CSNK1G1: variants seen among roughly 807,000 people sequenced by gnomAD.
CSNK1G1 encodes casein kinase 1 gamma 1.
A neutral mutation model predicts 59.6 loss-of-function variants in CSNK1G1; 22 were observed. The observed-to-expected ratio is 0.37, with a 90% confidence interval of 0.26 to 0.53. CSNK1G1 has a LOEUF of 0.53. Among genes scored for constraint, CSNK1G1 ranks in the 20% least tolerant of loss-of-function variants. The pLI is 0.89. For missense variants in CSNK1G1, 384 were observed against 519.5 expected (o/e 0.74, Z 2.54); for synonymous variants, 179 against 177.1 (o/e 1.01, Z -0.08).
chr15:64,181,490 A>G (rs1207898090), intron 10 of CSNK1G1: 8 of 1,404,176 alleles, frequency 5.7e-6, no homozygotes. Flanking sequence ...ATGCCCTTGG[A>G]TAAGTACTTC....
At chr15:64,206,825 A>G (rs76856325) in intron 7 of CSNK1G1, among the ~76,000 whole-genome samples, 6,915 of 152,274 alleles carry the variant, frequency 0.045, 267 homozygotes, top group Admixed American at 0.13. Flanking sequence ...CATTTATTCA[A>G]TAATACACTT....
At chr15:64,273,359 AAAG>A (rs1373171260) in intron 2 of CSNK1G1, among the ~76,000 whole-genome samples, 4 of 152,210 alleles carry the variant, frequency 2.6e-5, no homozygotes, top group Admixed American at 2.6e-4. Flanking sequence ...AGGTAATTAG[AAAG>A]AAGATGAATA....
At chr15:64,337,232 A>C (rs534218029) in intron 1 of CSNK1G1, among the ~76,000 whole-genome samples, 2 of 152,218 alleles carry the variant, frequency 1.3e-5, no homozygotes, top group Non-Finnish European at 2.9e-5. Flanking sequence ...CGTCTCAAAC[A>C]AAACAAAACA....
At chr15:64,249,887 A>C (rs1891978989) in intron 4 of CSNK1G1, among the ~76,000 whole-genome samples, 1 of 152,134 alleles carries the variant, frequency 6.6e-6, no homozygotes, top group South Asian at 2.1e-4. Context: ...GATTGGTCTG[A>C]TTTGGTGGAT....
chr15:64,338,382 T>C (rs1205590500), intron 1 of CSNK1G1, among the ~76,000 whole-genome samples: 1 of 152,100 alleles, frequency 6.6e-6, no homozygotes, highest in Admixed American at 6.6e-5. Context: ...AGCATAGGCA[T>C]GGGACATCTA....
In CSNK1G1 at chr15:64,356,137, G is replaced by C. The variant is rs1356292557; in HGVS notation, c.-374C>G. On this transcript the variant is annotated 5_prime_UTR_variant, in exon 1 of 12. Coordinates refer to ENST00000303052, the MANE Select transcript of CSNK1G1 (RefSeq NM_022048.5). ...AAGGCGGACGGGAGGGGGAAGGCGA[G>C]GAGCCGAGGGGCGGCTGGAGCCGAA... is the stretch of plus-strand genomic sequence containing the variant. The C allele has an allele frequency of 6.6e-6, 1 of 152,264 alleles. No individual in the cohort carries two copies. The highest frequency in any genetic ancestry group is 1.5e-5 in the Non-Finnish European group (1 of 68,100). 9.4% of individuals were successfully genotyped at this position (152,264 alleles called of 1,614,324 possible). A position where few individuals can be genotyped will look rare whatever the true frequency, so the allele number is the denominator to read the frequency against.
At chr15:64,179,707 A>G (rs758348279) in intron 11 of CSNK1G1, among the ~76,000 whole-genome samples, 4 of 152,200 alleles carry the variant, frequency 2.6e-5, no homozygotes, top group Admixed American at 1.3e-4. Flanking sequence ...TTAAACACAG[A>G]CCATGCAGCG....
At chr15:64,311,895 T>C (rs1322525897) in intron 1 of CSNK1G1, among the ~76,000 whole-genome samples, 2 of 152,074 alleles carry the variant, frequency 1.3e-5, no homozygotes, top group Admixed American at 6.6e-5. Context: ...CTCCTTAAGC[T>C]GATAAGCAAC....
intron 2 of CSNK1G1, among the ~76,000 whole-genome samples, chr15:64,294,222 G>A (rs568496021): frequency 2.6e-5 from 4 of 152,094 alleles, no homozygotes; most frequent in East Asian, 1.9e-4. Context: ...ACAGGCGTCC[G>A]TCACCAAGCC....
chr15:64,255,967 TA>T (rs1892353340), intron 3 of CSNK1G1, among the ~76,000 whole-genome samples: 1 of 152,170 alleles, frequency 6.6e-6, no homozygotes, highest in Non-Finnish European at 1.5e-5. Flanking sequence ...AGACTTTCAG[TA>T]AAAAGAAAAG....
chr15:64,236,304 AG>A (rs1398973486), intron 4 of CSNK1G1, among the ~76,000 whole-genome samples: 1 of 152,164 alleles, frequency 6.6e-6, no homozygotes, highest in Non-Finnish European at 1.5e-5. Flanking sequence ...TGTAATTGCA[AG>A]GCTATCCATT....
chr15:64,223,076 C>T (rs1328306602), intron 4 of CSNK1G1, among the ~76,000 whole-genome samples: 1 of 152,094 alleles, frequency 6.6e-6, no homozygotes, highest in Non-Finnish European at 1.5e-5. Context: ...GAAAGCTCCC[C>T]ATGCAAGTTC....
At chr15:64,294,475 C>T (rs906241120) in intron 2 of CSNK1G1, among the ~76,000 whole-genome samples, 1 of 152,060 alleles carries the variant, frequency 6.6e-6, no homozygotes, top group African/African-American at 2.4e-5. Context: ...TGGTTATCTC[C>T]ACAGACACCT....
chr15:64,346,677 C>T (rs1897998611), intron 1 of CSNK1G1, among the ~76,000 whole-genome samples: 1 of 152,048 alleles, frequency 6.6e-6, no homozygotes. Flanking sequence ...ATGCTGGTCT[C>T]GAACCCCTGA....
intron 2 of CSNK1G1, among the ~76,000 whole-genome samples, chr15:64,279,527 A>G (rs1307008864): frequency 6.6e-6 from 1 of 152,014 alleles, no homozygotes. Context: ...TATCTGTCCT[A>G]CTGTTGATGG....
chr15:64,313,937 C>T (rs1416713103), intron 1 of CSNK1G1, among the ~76,000 whole-genome samples: 1 of 151,340 alleles, frequency 6.6e-6, no homozygotes, highest in Non-Finnish European at 1.5e-5. Flanking sequence ...TGGGTTATTC[C>T]ACTGAGGATA....
At chr15:64,294,512 A>T (rs1239089471) in intron 2 of CSNK1G1, among the ~76,000 whole-genome samples, 1 of 152,174 alleles carries the variant, frequency 6.6e-6, no homozygotes, top group Non-Finnish European at 1.5e-5. Flanking sequence ...AAAAAATTTT[A>T]AGCAATAAGT....
chr15:64,293,703 A>G (rs1894864341), intron 2 of CSNK1G1, among the ~76,000 whole-genome samples: 1 of 152,230 alleles, frequency 6.6e-6, no homozygotes, highest in African/African-American at 2.4e-5. Flanking sequence ...GCAGTGGGTA[A>G]GCAAGCATTA....
At chr15:64,256,101 C>A (rs1481974856) in intron 3 of CSNK1G1, among the ~76,000 whole-genome samples, 6 of 152,110 alleles carry the variant, frequency 3.9e-5, no homozygotes, top group African/African-American at 9.7e-5. Context: ...ATCAAAGCAG[C>A]CAGGTATAGA....
Sources: gnomAD v4.1 joint callset for allele counts (sites outside exome capture counted in the v4.1 genomes callset) on GRCh38, gnomAD v4.1.1 for gene constraint, MANE v1.5 for transcripts, NCBI Gene and HGNC (gene_info 2026-07-23, HGNC 2026-07-21) for gene names.